ANKFN1: variants seen among roughly 807,000 people sequenced by gnomAD.
ANKFN1 encodes ankyrin repeat and fibronectin type III domain containing 1.
In ANKFN1, 74 loss-of-function variants were observed where a neutral mutation model predicts 108.7. The ratio of observed to expected loss-of-function variants is 0.68; its 90% CI spans 0.56 to 0.83. ANKFN1 has a LOEUF of 0.83. Ranked by LOEUF, ANKFN1 falls within the 40% of genes least tolerant of loss-of-function variation. The probability of loss-of-function intolerance (pLI) is 0.00; values close to 1 mark genes in which losing one functional copy is unlikely to be tolerated. For synonymous variants in ANKFN1, 547 were observed against 516.2 expected (o/e 1.06, Z -0.81); for missense variants, 1,505 against 1,382.3 (o/e 1.09, Z -1.41).
intron 3 of ANKFN1, chr17:56,228,188 G>T: frequency 2.2e-6 from 1 of 448,572 alleles, no homozygotes; most frequent in South Asian, 4.6e-5. Flanking sequence ...TACGTCTAAA[G>T]GTAGATAAAA....
chr17:56,498,800 A>T (rs888623278), intron 19 of ANKFN1, 82 bp from the exon 20 acceptor site: 1 of 1,164,312 alleles, frequency 8.6e-7, no homozygotes, highest in Non-Finnish European at 1.2e-6. Context: ...CGGAAAATGG[A>T]TCATCTTGGA....
At chr17:56,240,102 T>A (rs1459109936) in intron 3 of ANKFN1, among the ~76,000 whole-genome samples, 1 of 152,168 alleles carries the variant, frequency 6.6e-6, no homozygotes, top group Non-Finnish European at 1.5e-5. Flanking sequence ...GGTTCAGATT[T>A]TTATAGATTT....
chr17:56,194,620 A>G (rs1330055795), intron 1 of ANKFN1, among the ~76,000 whole-genome samples: 2 of 152,268 alleles, frequency 1.3e-5, no homozygotes, highest in African/African-American at 4.8e-5. Flanking sequence ...AGCAGAGCAC[A>G]GAGGATTTTT....
intron 1 of ANKFN1, among the ~76,000 whole-genome samples, chr17:56,210,028 A>G (rs774030250): frequency 6.6e-6 from 1 of 151,720 alleles, no homozygotes; most frequent in Non-Finnish European, 1.5e-5. Flanking sequence ...GTAGTATTCC[A>G]TGATATGTAT....
At chr17:56,241,286 C>G (rs1917558579) in intron 3 of ANKFN1, among the ~76,000 whole-genome samples, 1 of 151,874 alleles carries the variant, frequency 6.6e-6, no homozygotes, top group South Asian at 2.1e-4. Context: ...AACAAACAAA[C>G]AAACAAATAA....
chr17:56,397,060 A>G (rs1056931516), intron 8 of ANKFN1, among the ~76,000 whole-genome samples: 8 of 151,786 alleles, frequency 5.3e-5, no homozygotes, highest in Non-Finnish European at 1.2e-4. Flanking sequence ...AATTTTTAAA[A>G]TTAGAAAAAT....
At chr17:56,266,912 A>T (rs1382692933) in intron 3 of ANKFN1, among the ~76,000 whole-genome samples, 2 of 152,114 alleles carry the variant, frequency 1.3e-5, no homozygotes, top group Non-Finnish European at 2.9e-5. Flanking sequence ...GTTTTAATTT[A>T]GGAAAGGGAT....
intron 4 of ANKFN1, among the ~76,000 whole-genome samples, chr17:56,090,822 G>A (rs1384899071): frequency 2.0e-5 from 3 of 151,094 alleles, no homozygotes; most frequent in African/African-American, 7.3e-5. Flanking sequence ...TGCCTAGGCT[G>A]GTCTCAAACT....
At chr17:56,139,621 A>G (rs1020761607) in intron 4 of ANKFN1, among the ~76,000 whole-genome samples, 4 of 152,306 alleles carry the variant, frequency 2.6e-5, no homozygotes, top group African/African-American at 7.2e-5. Flanking sequence ...AAACCATTCT[A>G]TATCAGGAAA....
At chr17:56,171,305 A>G (rs1380520272) in intron 1 of ANKFN1, among the ~76,000 whole-genome samples, 1 of 152,076 alleles carries the variant, frequency 6.6e-6, no homozygotes, top group Non-Finnish European at 1.5e-5. Context: ...GATTCATGGC[A>G]GGGAAGGAAC....
At chr17:56,324,081 G>A (rs146951369) in intron 3 of ANKFN1, among the ~76,000 whole-genome samples, 2,292 of 152,214 alleles carry the variant, frequency 0.015, 24 homozygotes, top group Non-Finnish European at 0.024. Context: ...CATCATATTT[G>A]ATGATCTGGT....
intron 6 of ANKFN1, among the ~76,000 whole-genome samples, chr17:56,368,522 C>T (rs939989942): frequency 6.6e-6 from 1 of 151,692 alleles, no homozygotes; most frequent in African/African-American, 2.4e-5. Context: ...TCAGGTGATC[C>T]ACCTGCCTCA....
rs575210691 is a variant in ANKFN1, at chr17:56,264,035, A to G, written c.53+36078A>G. Among the ~76,000 whole-genome samples, 41 of 152,348 alleles carry G rather than the reference A, an allele frequency of 2.7e-4. No individual in the cohort carries two copies. In the Middle Eastern group the frequency reaches 0.01, roughly 38 times the overall value. On this transcript the variant is annotated intron_variant, in intron 3 of 20. Transcript: ENST00000682825. ...GAGACTCCCGTACCCCTCACTTTCC[A>G]GACAGGTAATACAGTACTGTAGTCC...
intron 3 of ANKFN1, chr17:56,252,212 C>T (rs2043250627): frequency 6.6e-6 from 1 of 152,172 alleles, no homozygotes; most frequent in Non-Finnish European, 1.5e-5. Flanking sequence ...TCCACTTCTT[C>T]ATTCTATAGC....
In ANKFN1 at chr17:56,486,666, G is replaced by C. The variant is rs191665697; in HGVS notation, c.2260+4142G>C. Among the ~76,000 whole-genome samples the C allele has an allele frequency of 2.6e-5, 4 of 152,258 alleles. No homozygotes were observed. In the East Asian group the frequency reaches 7.7e-4, roughly 29 times the overall value. On this transcript the variant is annotated intron_variant, in intron 18 of 20. Transcript: ENST00000682825. ...TATAAGTAGGAAATTCTATTCATAG[G>C]TAGTTACATAGTAAAGGGTCAAGAG...
At chr17:56,081,389 G>A (rs112903112) in intron 4 of ANKFN1, among the ~76,000 whole-genome samples, 3,812 of 152,110 alleles carry the variant, frequency 0.025, 145 homozygotes, top group African/African-American at 0.086. Context: ...GTCTGACTTT[G>A]TTGCCCAGGC....
At position 56,511,025 on chromosome 17, in the gene ANKFN1, T is replaced by A; in HGVS notation, c.3197T>A (p.Leu1066Gln). 6.5e-7 allele frequency: 1 copy of A among 1,535,994 alleles called. No individual in the cohort carries two copies. Among genetic ancestry groups the A allele is most frequent in the African/African-American group, 1.4e-5 (1 of 73,180 alleles). The change falls in exon 21 of 21, where the codon CTG (leucine) becomes CAG (glutamine). Residue 1066 changes from leucine (L) to glutamine (Q), a missense_variant. Physicochemically the swap from Leu to Gln is moderately radical, Grantham distance 113. Transcript: ENST00000682825. ...PALDDPRGLT[L>Q]AHAASLPEER... ...CTTGATGATCCCAGGGGCCTAACTCTGGCCCACGCTGCCAGCCTTCCTGAG... is the reference window on the plus strand; with the variant it reads ...CTTGATGATCCCAGGGGCCTAACTCAGGCCCACGCTGCCAGCCTTCCTGAG...
At chr17:56,348,504 C>T (rs531781425) in intron 4 of ANKFN1, among the ~76,000 whole-genome samples, 19 of 152,098 alleles carry the variant, frequency 1.2e-4, no homozygotes, top group Admixed American at 2.6e-4. Flanking sequence ...TTGCAAACCA[C>T]GCATTTGAAA....
At position 56,454,571 on chromosome 17, in the gene ANKFN1, G is replaced by A. The variant is rs564336130; in HGVS notation, c.1208-2290G>A. 5.9e-5 allele frequency among the ~76,000 whole-genome samples: 9 copies of A among 152,280 alleles called. No homozygotes were observed. In the East Asian group the frequency reaches 7.7e-4, roughly 13 times the overall value. On this transcript the variant is annotated intron_variant, in intron 11 of 20. Coordinates refer to ENST00000682825, the MANE Select transcript of ANKFN1 (RefSeq NM_001370326.1). ...CCATTGGGAAGTTCTGAGCACATGC[G>A]TAGGGCTCTTTACTTACAGGATTCA...
Sources: gnomAD v4.1 joint callset for allele counts (sites outside exome capture counted in the v4.1 genomes callset) on GRCh38, gnomAD v4.1.1 for gene constraint, MANE v1.5 for transcripts, NCBI Gene and HGNC (gene_info 2026-07-23, HGNC 2026-07-21) for gene names.